Variants in SLC7A14 observed in about 807,000 individuals in gnomAD.
SLC7A14 encodes the protein solute carrier family 7 member 14.
Under a neutral mutation model 60.2 loss-of-function variants are expected in SLC7A14, and 37 were observed. The observed-to-expected ratio is 0.61, with a 90% confidence interval of 0.47 to 0.81. The LOEUF (loss-of-function observed/expected upper bound fraction) is 0.81. SLC7A14 is among the 30% of genes least tolerant of loss of function. The pLI, the probability that SLC7A14 is intolerant of heterozygous loss-of-function variation, is 0.00. For synonymous variants in SLC7A14, 399 were observed against 395.8 expected (o/e 1.01, Z -0.10); for missense variants, 886 against 982.7 (o/e 0.90, Z 1.32).
intron 1 of SLC7A14, among the ~76,000 whole-genome samples, chr3:170,548,114 C>T (rs953528398): frequency 1.3e-5 from 2 of 152,150 alleles, no homozygotes; most frequent in African/African-American, 4.8e-5. Flanking sequence ...AATTTTTCAT[C>T]AATCTTGGTA....
chr3:170,579,246 C>A (rs1715175660), intron 1 of SLC7A14, among the ~76,000 whole-genome samples: 1 of 152,184 alleles, frequency 6.6e-6, no homozygotes, highest in African/African-American at 2.4e-5. Context: ...TTCCCAGCAT[C>A]AATTTCTCTC....
chr3:170,585,075 A>G lies in SLC7A14; in HGVS notation c.-153+836T>C, dbSNP rs190363247. ...GGGAGGGGGCAGGGTGACACAGGAG[A>G]GAGAAGGAGGGTGGGGGCTGCATCC... On this transcript the variant is annotated intron_variant, in intron 1 of 7. Coordinates refer to ENST00000231706, the MANE Select transcript of SLC7A14 (RefSeq NM_020949.3). The surrounding 1 kb of genome is among the most constrained non-coding windows in gnomAD (Gnocchi z 5.1). Among the ~76,000 whole-genome samples the G allele has an allele frequency of 1.3e-5, 2 of 152,006 alleles. No individual in the cohort carries two copies. Among genetic ancestry groups the G allele is most frequent in the African/African-American group, 4.8e-5 (2 of 41,472 alleles).
At chr3:170,498,550 G>T in intron 4 of SLC7A14, 117 bp downstream of exon 4, 1 of 817,774 alleles carries the variant, frequency 1.2e-6, no homozygotes. Context: ...GTGATAAAGA[G>T]GGTGCTGTGG....
chr3:170,502,065 G>A (rs545475504), intron 2 of SLC7A14, among the ~76,000 whole-genome samples: 4 of 152,190 alleles, frequency 2.6e-5, no homozygotes, highest in Non-Finnish European at 5.9e-5. Flanking sequence ...GGAGAGATGT[G>A]AGACATGTAC....
At chr3:170,566,404 C>T (rs181930184) in intron 1 of SLC7A14, among the ~76,000 whole-genome samples, 1 of 152,166 alleles carries the variant, frequency 6.6e-6, no homozygotes. Flanking sequence ...TCTTCTCAAA[C>T]AAGATTTCAG....
At chr3:170,487,601 C>T (rs1712074996) in intron 4 of SLC7A14, among the ~76,000 whole-genome samples, 1 of 152,146 alleles carries the variant, frequency 6.6e-6, no homozygotes, top group African/African-American at 2.4e-5. Flanking sequence ...CTCAATAAGA[C>T]CAAATATGAA....
At chr3:170,538,734 C>A (rs34942773) in intron 1 of SLC7A14, among the ~76,000 whole-genome samples, 23,487 of 152,150 alleles carry the variant, frequency 0.15, 2,305 homozygotes, top group South Asian at 0.2. Context: ...ATAGCCCCTG[C>A]CCTCCAGGAG....
chr3:170,574,871 C>G (rs1277716868), intron 1 of SLC7A14, among the ~76,000 whole-genome samples: 2 of 152,328 alleles, frequency 1.3e-5, no homozygotes, highest in South Asian at 4.1e-4. Flanking sequence ...AGTCACCGTA[C>G]TGCTTTTAAC....
intron 7 of SLC7A14, among the ~76,000 whole-genome samples, chr3:170,470,427 A>G (rs984587252): frequency 6.6e-6 from 1 of 152,108 alleles, no homozygotes; most frequent in Non-Finnish European, 1.5e-5. Context: ...AACTTGCCAC[A>G]TAAATATTTA....
At chr3:170,569,089 A>G (rs1277961503) in intron 1 of SLC7A14, among the ~76,000 whole-genome samples, 1 of 152,108 alleles carries the variant, frequency 6.6e-6, no homozygotes, top group Non-Finnish European at 1.5e-5. Flanking sequence ...GTCTTGTGCC[A>G]GTTTTCAAAG....
chr3:170,498,022 T>A (rs1712465398), intron 4 of SLC7A14, among the ~76,000 whole-genome samples: 1 of 152,234 alleles, frequency 6.6e-6, no homozygotes, highest in South Asian at 2.1e-4. Context: ...AGGACTCTCC[T>A]CCTAGAGTCA....
chr3:170,489,590 A>G (rs1577507296), intron 4 of SLC7A14, among the ~76,000 whole-genome samples: 1 of 152,264 alleles, frequency 6.6e-6, no homozygotes, highest in East Asian at 1.9e-4. Flanking sequence ...ACTGCTGGGT[A>G]TATACCCAAA....
intron 1 of SLC7A14, among the ~76,000 whole-genome samples, chr3:170,564,833 T>C (rs923616865): frequency 3.3e-5 from 5 of 152,220 alleles, no homozygotes; most frequent in Admixed American, 3.3e-4. Context: ...CTAATTTTAA[T>C]GTAACTTGCA....
At chr3:170,573,347 C>T (rs1715002108) in intron 1 of SLC7A14, among the ~76,000 whole-genome samples, 3 of 152,206 alleles carry the variant, frequency 2.0e-5, no homozygotes, top group Admixed American at 1.3e-4. Flanking sequence ...AAGTGCCATG[C>T]CACCTGAGAC....
At chr3:170,545,773 ATAT>A (rs1714159923) in intron 1 of SLC7A14, among the ~76,000 whole-genome samples, 1 of 152,206 alleles carries the variant, frequency 6.6e-6, no homozygotes, top group African/African-American at 2.4e-5. Flanking sequence ...ACATTAGCTG[ATAT>A]TATTATTAAA....
At chr3:170,523,631 T>C (rs1474056520) in intron 2 of SLC7A14, among the ~76,000 whole-genome samples, 2 of 152,222 alleles carry the variant, frequency 1.3e-5, no homozygotes, top group East Asian at 3.8e-4. Context: ...GCAGCAATTA[T>C]TGCTGGAGAT....
At chr3:170,475,108 T>C (rs920370497) in intron 7 of SLC7A14, among the ~76,000 whole-genome samples, 2 of 152,264 alleles carry the variant, frequency 1.3e-5, no homozygotes, top group Admixed American at 1.3e-4. Flanking sequence ...CTGGGATTAA[T>C]ACACATTTGG....
At chr3:170,553,850 T>G (rs932150231) in intron 1 of SLC7A14, among the ~76,000 whole-genome samples, 1 of 111,826 alleles carries the variant, frequency 8.9e-6, no homozygotes, top group Admixed American at 1.0e-4. Context: ...TTAAAAAAAC[T>G]TTTTTTTTTT....
intron 7 of SLC7A14, among the ~76,000 whole-genome samples, chr3:170,473,971 C>T (rs898379260): frequency 6.6e-6 from 1 of 152,184 alleles, no homozygotes; most frequent in Non-Finnish European, 1.5e-5. Flanking sequence ...TCTGAGCCAG[C>T]AATTCTAACT....
Sources: allele counts gnomAD v4.1 joint callset (sites outside exome capture counted in the v4.1 genomes callset), GRCh38; gene constraint gnomAD v4.1.1; non-coding constraint Gnocchi (gnomAD v3.1); transcripts MANE v1.5; gene names NCBI Gene and HGNC (gene_info 2026-07-23, HGNC 2026-07-21).